Variants in CSTPP1 observed in about 807,000 individuals in gnomAD.
The protein encoded by CSTPP1 is UPF0705 protein C11orf49.
the CSTPP1 span, among the ~76,000 whole-genome samples, chr11:47,060,258 C>CTTTTTTTTTTTT: frequency 7.5e-4 from 74 of 99,036 alleles, no homozygotes; most frequent in East Asian, 1.0e-3. Flanking sequence ...CTTTTCTTTT[C>CTTTTTTTTTTTT]TTTTTTTTTT....
At chr11:47,113,954 T>C in the CSTPP1 span, among the ~76,000 whole-genome samples, 1 of 152,232 alleles carries the variant, frequency 6.6e-6, no homozygotes, top group Non-Finnish European at 1.5e-5. Flanking sequence ...TTGCCTAGGT[T>C]TTCTTCTAAG....
the CSTPP1 span, among the ~76,000 whole-genome samples, chr11:46,974,758 G>C: frequency 6.6e-6 from 1 of 151,816 alleles, no homozygotes; most frequent in African/African-American, 2.4e-5. Context: ...GGGAGGCTGA[G>C]GTGGGAGGCT....
chr11:47,095,307 G>A, the CSTPP1 span, among the ~76,000 whole-genome samples: 1 of 152,148 alleles, frequency 6.6e-6, no homozygotes, highest in East Asian at 1.9e-4. Context: ...TATGAACTTT[G>A]TTCTCTTGTC....
At chr11:47,110,024 G>A in the CSTPP1 span, among the ~76,000 whole-genome samples, 9 of 152,210 alleles carry the variant, frequency 5.9e-5, no homozygotes, top group Non-Finnish European at 1.2e-4. Context: ...CAAATGGTAC[G>A]TTCTCAAAGA....
the CSTPP1 span, among the ~76,000 whole-genome samples, chr11:46,978,726 G>A: frequency 6.6e-6 from 1 of 152,194 alleles, no homozygotes; most frequent in Non-Finnish European, 1.5e-5. Flanking sequence ...TAAACAGTAT[G>A]TGGAGATAGT....
the CSTPP1 span, among the ~76,000 whole-genome samples, chr11:46,943,105 T>G: frequency 3.9e-5 from 6 of 152,186 alleles, no homozygotes; most frequent in Non-Finnish European, 8.8e-5. Context: ...TATACTCTCC[T>G]ACACTTAATT....
At chr11:47,096,980 T>G in the CSTPP1 span, among the ~76,000 whole-genome samples, 1 of 152,212 alleles carries the variant, frequency 6.6e-6, no homozygotes, top group African/African-American at 2.4e-5. Context: ...CCCTTTTGGC[T>G]CCTTCCAGAT....
chr11:47,155,649 G>C, the CSTPP1 span: 2 of 225,548 alleles, frequency 8.9e-6, no homozygotes, highest in South Asian at 1.6e-4. Context: ...TCCTTTCAGA[G>C]ACAAGCTCAC....
chr11:47,008,885 G>T, the CSTPP1 span, among the ~76,000 whole-genome samples: 1 of 152,044 alleles, frequency 6.6e-6, no homozygotes, highest in Non-Finnish European at 1.5e-5. Flanking sequence ...AAAAAAATTA[G>T]CTGGGCGTAG....
the CSTPP1 span, among the ~76,000 whole-genome samples, chr11:47,061,645 C>A: frequency 6.6e-6 from 1 of 152,120 alleles, no homozygotes. Context: ...GATGTGGGCC[C>A]CACCAGCCAA....
chr11:47,130,404 C>G, the CSTPP1 span, among the ~76,000 whole-genome samples: 1 of 152,116 alleles, frequency 6.6e-6, no homozygotes, highest in Admixed American at 6.5e-5. Flanking sequence ...GAGGCCATTG[C>G]CTCTTATTCC....
At chr11:47,157,846 C>G in the CSTPP1 span, 1 of 1,614,144 alleles carries the variant, frequency 6.2e-7, no homozygotes, top group Non-Finnish European at 8.5e-7. Context: ...AAGAGGCCCT[C>G]AGCAATGTTC....
chr11:47,125,851 T>C, the CSTPP1 span, among the ~76,000 whole-genome samples: 2 of 152,080 alleles, frequency 1.3e-5, no homozygotes, highest in Non-Finnish European at 1.5e-5. Context: ...ACCCCGTCTC[T>C]ACTAAAAATA....
the CSTPP1 span, among the ~76,000 whole-genome samples, chr11:47,004,655 T>C: frequency 6.6e-6 from 1 of 152,224 alleles, no homozygotes; most frequent in Non-Finnish European, 1.5e-5. Context: ...TGCCATTTTC[T>C]CACTTCCTGT....
the CSTPP1 span, chr11:47,161,738 T>C: frequency 6.8e-7 from 1 of 1,468,964 alleles, no homozygotes; most frequent in Non-Finnish European, 9.0e-7. Context: ...TGTGCTGCCC[T>C]CTGCTGCTGA....
the CSTPP1 span, among the ~76,000 whole-genome samples, chr11:47,114,088 C>G: frequency 6.6e-6 from 1 of 152,126 alleles, no homozygotes; most frequent in Non-Finnish European, 1.5e-5. Context: ...TTCCCAGCAC[C>G]ATTTATTAAA....
chr11:47,148,880 G>A, the CSTPP1 span, among the ~76,000 whole-genome samples: 1 of 152,130 alleles, frequency 6.6e-6, no homozygotes, highest in Non-Finnish European at 1.5e-5. Context: ...TTAATCCTGG[G>A]GTCAACTAAT....
chr11:47,098,899 A>G, the CSTPP1 span, among the ~76,000 whole-genome samples: 1 of 152,224 alleles, frequency 6.6e-6, no homozygotes. Context: ...GTGAAAAGCT[A>G]TGGAACAAAA....
chr11:47,052,481 C>T, the CSTPP1 span: 2 of 1,613,982 alleles, frequency 1.2e-6, no homozygotes, highest in Non-Finnish European at 1.7e-6. Flanking sequence ...TTTTACGGGC[C>T]TTCTGGAGAT....
Sources: allele counts gnomAD v4.1 joint callset (sites outside exome capture counted in the v4.1 genomes callset), GRCh38; gene constraint gnomAD v4.1.1; transcripts MANE v1.5; gene names NCBI Gene and HGNC (gene_info 2026-07-23, HGNC 2026-07-21).